DAB1: variants seen among roughly 807,000 people sequenced by gnomAD.
DAB1 encodes disabled homolog 1.
DAB1 carries 15 observed loss-of-function variants against 64.6 expected under a neutral mutation model. The observed-to-expected ratio is 0.23, with a 90% CI of 0.16 to 0.36. The LOEUF is 0.36. Among genes scored for constraint, DAB1 ranks in the 10% least tolerant of loss-of-function variants. The pLI, the probability that DAB1 is intolerant of heterozygous loss-of-function variation, is 1.00. For synonymous variants in DAB1, 235 were observed against 251.9 expected, an observed-to-expected ratio of 0.93 and a Z score of 0.64; for missense variants, 596 against 706.7, an observed-to-expected ratio of 0.84 and a Z score of 1.78.
intron 5 of DAB1, among the ~76,000 whole-genome samples, chr1:57,890,456 C>CTT (rs71246207): frequency 0.012 from 1,595 of 136,592 alleles, 48 homozygotes; most frequent in African/African-American, 0.036. Context: ...CTTTTCTTTT[C>CTT]TTTTTTTTTT....
At chr1:58,447,689 C>T (rs939307722) in intron 3 of DAB1, among the ~76,000 whole-genome samples, 2 of 152,000 alleles carry the variant, frequency 1.3e-5, no homozygotes, top group Non-Finnish European at 2.9e-5. Flanking sequence ...AATGTGAGCT[C>T]GGATGAACAA....
intron 2 of DAB1, among the ~76,000 whole-genome samples, chr1:57,147,554 C>G (rs1206925621): frequency 2.0e-5 from 3 of 152,098 alleles, no homozygotes; most frequent in African/African-American, 7.2e-5. Flanking sequence ...CCGTATAATA[C>G]TTAAGCCTCA....
chr1:57,944,308 T>C (rs1165298233), intron 5 of DAB1, among the ~76,000 whole-genome samples: 1 of 152,144 alleles, frequency 6.6e-6, no homozygotes, highest in African/African-American at 2.4e-5. Context: ...CTTTCTGTTT[T>C]CTATGCATCC....
rs1553161127 is a variant in DAB1 at position 58,118,503 on chromosome 1, T to TACATACAC, written n.387+32007_387+32008insGTGTATGT. On this transcript the variant is annotated intron_variant and non_coding_transcript_variant, in intron 5 of 20. Transcript: ENST00000485760. ...ATATATATATATATATATATATATATACACACACACACACACACATATATA... is the reference window on the plus strand; with the variant it reads ...ATATATATATATATATATATATATATACATACACACACACACACACACACACATATATA... Among the ~76,000 whole-genome samples the TACATACAC allele has an allele frequency of 9.4e-5, 5 of 53,110 alleles. 1 individual carries two copies. In the East Asian group the frequency reaches 6.4e-3, roughly 68 times the overall value. The allele number at this position is 53,110 out of a possible 152,430, so 34.8% of individuals were successfully genotyped here. A position where few individuals can be genotyped will look rare whatever the true frequency, so the allele number is the denominator to read the frequency against.
At chr1:57,035,834 T>C (rs1424398808) in intron 9 of DAB1, among the ~76,000 whole-genome samples, 1 of 55,026 alleles carries the variant, frequency 1.8e-5, no homozygotes, top group South Asian at 9.6e-4. Context: ...GCACATGCAC[T>C]TTTTTTTTTT....
intron 1 of DAB1, among the ~76,000 whole-genome samples, chr1:57,406,537 AC>A (rs776685868): frequency 1.1e-4 from 16 of 152,214 alleles, no homozygotes; most frequent in Non-Finnish European, 2.4e-4. Context: ...GTGCTAGAGC[AC>A]AAGGCCCTTT....
chr1:57,017,739 G>T (rs928000306), intron 11 of DAB1, among the ~76,000 whole-genome samples: 1 of 152,172 alleles, frequency 6.6e-6, no homozygotes, highest in Non-Finnish European at 1.5e-5. Context: ...AAACAAGAGG[G>T]GTGAAGAGGC....
At chr1:57,515,112 G>GAAAGAAA in intron 7 of DAB1, among the ~76,000 whole-genome samples, 1 of 146,812 alleles carries the variant, frequency 6.8e-6, no homozygotes, top group African/African-American at 2.7e-5. Context: ...GTCAAAGAAA[G>GAAAGAAA]AAAGAAAAAA....
chr1:57,344,407 G>A (rs1677915440), intron 1 of DAB1, among the ~76,000 whole-genome samples: 1 of 152,060 alleles, frequency 6.6e-6, no homozygotes, highest in Non-Finnish European at 1.5e-5. Context: ...TTAATCCTGT[G>A]CCGTTTTGCA....
intron 2 of DAB1, among the ~76,000 whole-genome samples, chr1:57,214,491 C>G (rs558885371): frequency 6.6e-6 from 1 of 152,148 alleles, no homozygotes; most frequent in African/African-American, 2.4e-5. Context: ...TTTTTTAAAC[C>G]AGTATAAGCA....
intron 3 of DAB1, among the ~76,000 whole-genome samples, chr1:57,141,368 A>C (rs529077484): frequency 3.7e-4 from 56 of 152,218 alleles, no homozygotes; most frequent in African/African-American, 1.3e-3. Context: ...AGGTCAGGGC[A>C]TTGCTCCCCA....
chr1:57,226,329 A>G (rs1667254021), intron 2 of DAB1, among the ~76,000 whole-genome samples: 1 of 152,148 alleles, frequency 6.6e-6, no homozygotes. Flanking sequence ...CCAAACTAAC[A>G]TCCTCCCAAT....
chr1:57,790,788 G>A (rs1014974309), intron 6 of DAB1, among the ~76,000 whole-genome samples: 10 of 152,132 alleles, frequency 6.6e-5, no homozygotes, highest in African/African-American at 2.2e-4. Flanking sequence ...AGTGAATGGC[G>A]AATAACATCA....
chr1:57,982,805 A>T (rs1387141044), intron 5 of DAB1, among the ~76,000 whole-genome samples: 1 of 152,074 alleles, frequency 6.6e-6, no homozygotes, highest in African/African-American at 2.4e-5. Context: ...TTCATAGAGG[A>T]TGGGGAAATA....
intron 5 of DAB1, among the ~76,000 whole-genome samples, chr1:57,927,027 C>A (rs1570009239): frequency 6.6e-6 from 1 of 152,284 alleles, no homozygotes; most frequent in East Asian, 1.9e-4. Context: ...CAAGTCCCAC[C>A]TCTGCTACTC....
intron 4 of DAB1, among the ~76,000 whole-genome samples, chr1:57,120,123 T>C (rs1189720511): frequency 1.3e-5 from 2 of 152,180 alleles, no homozygotes; most frequent in African/African-American, 2.4e-5. Context: ...AGAATATTTT[T>C]TTGGGCTGGA....
rs74791378 is a variant in DAB1, at chr1:58,105,347, C to T, written n.387+45164G>A. Among the ~76,000 whole-genome samples, 922 of 152,322 alleles carry T rather than the reference C, an allele frequency of 6.1e-3. 4 individuals carry two copies. Among genetic ancestry groups the T allele is most frequent in the Middle Eastern group, 0.014 (4 of 294 alleles). On this transcript the variant is annotated intron_variant and non_coding_transcript_variant, in intron 5 of 20. Transcript: ENST00000485760. ...GCACCCATTAGAAGGACCTTCCTTGCTGGAGCTCTTTATTGCCCATAAATA... is the reference window on the plus strand; with the variant it reads ...GCACCCATTAGAAGGACCTTCCTTGTTGGAGCTCTTTATTGCCCATAAATA...
chr1:58,312,945 T>C (rs574474113), intron 4 of DAB1, among the ~76,000 whole-genome samples: 1 of 152,304 alleles, frequency 6.6e-6, no homozygotes, highest in East Asian at 1.9e-4. Context: ...CACAACTATA[T>C]TGCACTTAGA....
chr1:57,709,406 T>C (rs1647001707), intron 6 of DAB1, among the ~76,000 whole-genome samples: 1 of 152,198 alleles, frequency 6.6e-6, no homozygotes, highest in African/African-American at 2.4e-5. Context: ...TTCCCATTTA[T>C]GATTTTATTA....
Sources: allele counts gnomAD v4.1 joint callset (sites outside exome capture counted in the v4.1 genomes callset), GRCh38; gene constraint gnomAD v4.1.1; transcripts MANE v1.5; gene names NCBI Gene and HGNC (gene_info 2026-07-23, HGNC 2026-07-21).